CD180: variants seen among roughly 807,000 people sequenced by gnomAD.
CD180 encodes CD180 antigen.
Under a neutral mutation model 10.7 loss-of-function variants are expected in CD180, and 11 were observed. The ratio of observed to expected loss-of-function variants is 1.03; its 90% CI spans 0.65 to 1.70. The LOEUF (loss-of-function observed/expected upper bound fraction) is 1.70, where lower values mean the gene tolerates loss of function less well. Ranked by LOEUF, CD180 falls within the 40% of genes most tolerant of loss-of-function variation. CD180 has a pLI of 0.00. For missense variants in CD180, 729 were observed against 775.2 expected, an observed-to-expected ratio of 0.94 and a Z score of 0.71; for synonymous variants, 286 against 294.6, an observed-to-expected ratio of 0.97 and a Z score of 0.30.
rs1306757492 is a variant in CD180 at position 67,184,501 on chromosome 5, T to C, written c.342A>G (p.Ile114Met). ...STLVLTGNPL[I>M]FMAETSLNGP... ...CATTAAGCGATGTTTCTGCCATGAATATCAGGGGATTTCCAGTTAACACAA... is the reference window on the plus strand; with the variant it reads ...CATTAAGCGATGTTTCTGCCATGAACATCAGGGGATTTCCAGTTAACACAA... Residue 114 changes from isoleucine to methionine, a missense_variant, in exon 3 of 3, where the codon ATA (isoleucine) becomes ATG (methionine). Physicochemically the swap from Ile to Met is conservative, Grantham distance 10. Transcript: ENST00000256447. 1 of 1,614,062 alleles carries C rather than the reference T, an allele frequency of 6.2e-7. No individual in the cohort carries two copies. The highest frequency in any genetic ancestry group is 8.5e-7 in the Non-Finnish European group (1 of 1,179,872).
intron 1 of CD180, among the ~76,000 whole-genome samples, chr5:67,194,672 C>A (rs562419369): frequency 1.3e-5 from 2 of 152,346 alleles, no homozygotes; most frequent in East Asian, 3.9e-4. Context: ...ATGCCGTAGT[C>A]TCAGTGGATT....
chr5:67,194,624 G>A (rs917706486), intron 1 of CD180, among the ~76,000 whole-genome samples: 12 of 152,166 alleles, frequency 7.9e-5, no homozygotes, highest in African/African-American at 2.4e-4. Flanking sequence ...CCCACCTGGC[G>A]TGGCCAGTCT....
intron 1 of CD180, among the ~76,000 whole-genome samples, chr5:67,190,015 TC>T (rs1742271268): frequency 6.6e-6 from 1 of 152,228 alleles, no homozygotes; most frequent in Non-Finnish European, 1.5e-5. Context: ...TTTTTGTTTT[TC>T]CAATCCAGGA....
At position 67,183,392 on chromosome 5, in the gene CD180, C is replaced by G. The variant is rs777805314; in HGVS notation, c.1451G>C (p.Gly484Ala). ...LNLKGNHFQD[G>A]TITKTNLLQT... is the part of the protein sequence containing the mutation. ...AAGTAGGTTGGTCTTCGTGATAGTC[C>G]CATCTTGAAAGTGATTCCCTTTTAA... Residue 484 changes from glycine to alanine, a missense_variant, in exon 3 of 3, where the codon GGG becomes GCG. Transcript: ENST00000256447. 6.2e-7 allele frequency: 1 copy of G among 1,614,134 alleles called. No individual in the cohort carries two copies. Among genetic ancestry groups the G allele is most frequent in the Non-Finnish European group, 8.5e-7 (1 of 1,180,028 alleles).
At chr5:67,192,259 G>GTA (rs1342444835) in intron 1 of CD180, among the ~76,000 whole-genome samples, 40 of 152,098 alleles carry the variant, frequency 2.6e-4, no homozygotes, top group African/African-American at 9.4e-4. Flanking sequence ...GTGTGGTGGT[G>GTA]GGCGCCTGTA....
intron 1 of CD180, 59 bp from the exon 2 acceptor site, chr5:67,186,076 C>T: frequency 2.7e-6 from 3 of 1,099,274 alleles, no homozygotes; most frequent in Non-Finnish European, 3.8e-6. Context: ...GACTATCTAG[C>T]AAAATTATAT....
At chr5:67,194,468 A>G (rs1342866764) in intron 1 of CD180, among the ~76,000 whole-genome samples, 1 of 152,128 alleles carries the variant, frequency 6.6e-6, no homozygotes, top group African/African-American at 2.4e-5. Flanking sequence ...TGGACTCAGA[A>G]CTAAGGACCA....
At chr5:67,195,828 T>TG (rs1309996168) in intron 1 of CD180, among the ~76,000 whole-genome samples, 1 of 152,174 alleles carries the variant, frequency 6.6e-6, no homozygotes, top group Non-Finnish European at 1.5e-5. Context: ...TGGTTCCTCC[T>TG]GTATGCAGCC....
rs1742138577 is a variant in CD180 at position 67,184,429 on chromosome 5, G to C, written c.414C>G (p.Ser138=). The C allele has an allele frequency of 6.2e-7, 1 of 1,613,972 alleles. No individual in the cohort carries two copies. Among genetic ancestry groups the C allele is most frequent in the Non-Finnish European group, 8.5e-7 (1 of 1,179,958 alleles). The change falls in exon 3 of 3, where the codon TCC becomes TCG. Residue 138 remains serine, a synonymous_variant. Transcript: ENST00000256447. ...TGTGCACTGGAATAAACTCGAGATT[G>C]GATATTCCCGTTTGGATTAAGAAAA... The part of the protein sequence containing the change: ...KHLFLIQTGI[S]NLEFIPVHNL...
rs1742127896 is a variant in CD180 at position 67,184,111 on chromosome 5, G to A, written c.732C>T (p.Asn244=). ...NLSVIFNGLQ[N]STTQSLWLGT... is the part of the protein sequence containing the mutation. ...CCAGCCAGAGAGACTGAGTAGTAGA[G>A]TTCTGCAGACCATTGAATATAACAG... Residue 244 remains asparagine, a synonymous_variant, in exon 3 of 3, where the codon AAC becomes AAT. Coordinates refer to ENST00000256447, the MANE Select transcript of CD180 (RefSeq NM_005582.3). 1 of 1,614,048 alleles carries A rather than the reference G, an allele frequency of 6.2e-7. No homozygotes were observed. The highest frequency in any genetic ancestry group is 8.5e-7 in the Non-Finnish European group (1 of 1,180,034).
At chr5:67,191,635 G>A (rs1219142337) in intron 1 of CD180, among the ~76,000 whole-genome samples, 2 of 152,262 alleles carry the variant, frequency 1.3e-5, no homozygotes, top group African/African-American at 4.8e-5. Context: ...CCAAATCACA[G>A]AACACGAATT....
Position 67,183,235 on chromosome 5 carries a change from G to T in CD180, c.1608C>A (p.Ser536Arg). ...CCTTAAGATGGCTAAGAGAATCAAT[G>T]CTGTCGCATGTCAGGCTGTTGTGGC... ...DLSHNSLTCD[S>R]IDSLSHLKGI... Residue 536 changes from serine (S) to arginine (R), a missense_variant, in exon 3 of 3, where the codon AGC becomes AGA. Transcript: ENST00000256447. 6.8e-6 allele frequency: 11 copies of T among 1,614,050 alleles called. No individual in the cohort carries two copies. The highest frequency in any genetic ancestry group is 9.3e-6 in the Non-Finnish European group (11 of 1,179,952).
Position 67,182,933 on chromosome 5 carries a change from A to G in CD180, c.1910T>C (p.Val637Ala), listed in dbSNP as rs1413827155. ...CAGAATAGCCAACAATAATAGAAAT[A>G]CTATGAGAAAGAAAATGCCTATGGC... ...ITAIGIFFLI[V>A]FLLLLAILLF... Residue 637 changes from valine (V) to alanine (A), a missense_variant, in exon 3 of 3, where the codon GTA (valine) becomes GCA (alanine). Physicochemically the swap from Val to Ala is moderately conservative, Grantham distance 64. Coordinates refer to ENST00000256447, the MANE Select transcript of CD180 (RefSeq NM_005582.3). The G allele has an allele frequency of 1.2e-6, 2 of 1,613,952 alleles. No individual in the cohort carries two copies. The highest frequency in any genetic ancestry group is 1.6e-4 in the Middle Eastern group (1 of 6,062).
chr5:67,185,899 T>C lies in CD180; in HGVS notation c.209A>G (p.Asn70Ser). The C allele has an allele frequency of 6.2e-7, 1 of 1,611,040 alleles. No individual in the cohort carries two copies. The highest frequency in any genetic ancestry group is 1.1e-5 in the South Asian group (1 of 90,502). Residue 70 changes from asparagine to serine, a missense_variant, in exon 2 of 3, where the codon AAT becomes AGT. Coordinates refer to ENST00000256447, the MANE Select transcript of CD180 (RefSeq NM_005582.3). ...FSFNFLPTIH[N>S]RTFSRLMNLT... is the part of the protein sequence containing the mutation. ...ATTCATGAGTCTGCTGAAGGTTCTA[T>C]TGTGAATTGTAGGCAAAAAATTAAA...
At chr5:67,194,416 C>G (rs1421339067) in intron 1 of CD180, among the ~76,000 whole-genome samples, 1 of 152,094 alleles carries the variant, frequency 6.6e-6, no homozygotes, top group African/African-American at 2.4e-5. Context: ...CTAACCCCAC[C>G]CAGACTCCTG....
In CD180 at chr5:67,182,304, T is replaced by A. The variant is rs1218738076; in HGVS notation, c.*553A>T. 5.9e-5 allele frequency: 9 copies of A among 152,298 alleles called. No individual in the cohort carries two copies. 9.4% of individuals were successfully genotyped at this position (152,298 alleles called of 1,614,324 possible). On this transcript the variant is annotated 3_prime_UTR_variant, in exon 3 of 3. Coordinates refer to ENST00000256447, the MANE Select transcript of CD180 (RefSeq NM_005582.3). ...ATTTCTCAGCCTTTTCTTTTAAATT[T>A]ATTATGCTTTTCTTTTCTTTTTTCA...
rs1330452427 is a variant in CD180 at position 67,183,386 on chromosome 5, A to G, written c.1457T>C (p.Ile486Thr). Residue 486 changes from isoleucine to threonine, a missense_variant, in exon 3 of 3, where the codon ATC becomes ACC. Transcript: ENST00000256447. ...GGTCTGAAGTAGGTTGGTCTTCGTG[A>G]TAGTCCCATCTTGAAAGTGATTCCC... ...LKGNHFQDGT[I>T]TKTNLLQTVG... The G allele has an allele frequency of 1.2e-6, 2 of 1,614,116 alleles. No individual in the cohort carries two copies. Among genetic ancestry groups the G allele is most frequent in the African/African-American group, 2.7e-5 (2 of 74,934 alleles).
chr5:67,196,794 C>T lies in CD180; in HGVS notation c.-153G>A. The T allele has an allele frequency of 2.1e-6, 1 of 474,304 alleles. No homozygotes were observed. Among genetic ancestry groups the T allele is most frequent in the South Asian group, 3.5e-5 (1 of 28,720 alleles). 29.4% of individuals were successfully genotyped at this position (474,304 alleles called of 1,614,324 possible). A position where few individuals can be genotyped will look rare whatever the true frequency, so the allele number is the denominator to read the frequency against. ...CTGTTGACTGCTCAGCATTCTGTGGCTCTGTGCTGGAAAAAAAAAAAAAAA... is the reference window on the plus strand; with the variant it reads ...CTGTTGACTGCTCAGCATTCTGTGGTTCTGTGCTGGAAAAAAAAAAAAAAA... On this transcript the variant is annotated 5_prime_UTR_variant, in exon 1 of 3. Transcript: ENST00000256447.
rs527522157 is a variant in CD180, at chr5:67,184,720, A to G, written c.258-135T>C. On this transcript the variant is annotated intron_variant, in intron 2 of 2. Coordinates refer to ENST00000256447, the MANE Select transcript of CD180 (RefSeq NM_005582.3). Reference sequence around the variant, plus strand: ...TAAGAACTTTCTTCAATATCAACAGATGGCCTATTGAAGGAATTAATGAGT... The same window carrying G: ...TAAGAACTTTCTTCAATATCAACAGGTGGCCTATTGAAGGAATTAATGAGT... 32 of 724,770 alleles carry G rather than the reference A, an allele frequency of 4.4e-5. No homozygotes were observed. In the East Asian group the frequency reaches 7.7e-4, roughly 17 times the overall value. The allele number at this position is 724,770 out of a possible 1,614,324, so 44.9% of individuals were successfully genotyped here.
Sources: gnomAD v4.1 joint callset for allele counts (sites outside exome capture counted in the v4.1 genomes callset) on GRCh38, gnomAD v4.1.1 for gene constraint, MANE v1.5 for transcripts, NCBI Gene and HGNC (gene_info 2026-07-23, HGNC 2026-07-21) for gene names.